Variants in ARHGAP45 observed in about 807,000 individuals in gnomAD.
ARHGAP45 encodes the protein rho GTPase-activating protein 45.
In ARHGAP45, 56 loss-of-function variants were observed where a neutral mutation model predicts 116.1. The ratio of observed to expected loss-of-function variants is 0.48; its 90% CI spans 0.39 to 0.60. The LOEUF is 0.60. ARHGAP45 is among the 20% of genes least tolerant of loss of function. The probability of loss-of-function intolerance (pLI) is 0.00; values close to 1 mark genes in which losing one functional copy is unlikely to be tolerated. For synonymous variants in ARHGAP45, 866 were observed against 701.7 expected (o/e 1.23, Z -3.70); for missense variants, 1,622 against 1,601.0 (o/e 1.01, Z -0.22).
rs758030000 is a variant in ARHGAP45 at position 1,074,325 on chromosome 19, C to A, written c.929-18C>A. On this transcript the variant is annotated intron_variant, in intron 7 of 22. Transcript: ENST00000313093. The stretch of plus-strand genomic sequence containing the variant: ...GAAGGCCTTGTCCCAGCACCTCACA[C>A]CCCTCTCCGGCCCGCAGAGATGGAG... 1.4e-5 allele frequency: 22 copies of A among 1,611,498 alleles called. No individual in the cohort carries two copies. Among genetic ancestry groups the A allele is most frequent in the Admixed American group, 3.3e-5 (2 of 59,716 alleles).
intron 11 of ARHGAP45, among the ~76,000 whole-genome samples, chr19:1,079,440 G>A (rs1330652510): frequency 6.8e-6 from 1 of 147,750 alleles, no homozygotes; most frequent in Non-Finnish European, 1.5e-5. Flanking sequence ...GTAGGTGGAG[G>A]TTGCAGTGAG....
At chr19:1,083,111 C>A in intron 20 of ARHGAP45, 32 bp from the exon 21 acceptor site, 1 of 1,580,774 alleles carries the variant, frequency 6.3e-7, no homozygotes, top group South Asian at 1.1e-5. Flanking sequence ...TCCCGGGAGC[C>A]GCTCAGCACC....
Position 1,069,392 on chromosome 19 carries a change from G to A in ARHGAP45, c.421+648G>A, listed in dbSNP as rs1047346678. ...CCTGTTTGTCCCTGGCAGCCCAGGC[G>A]GGCACCTCATGTGCTGCCTTCAGCC... On this transcript the variant is annotated intron_variant, in intron 2 of 22. Coordinates refer to ENST00000313093, the MANE Select transcript of ARHGAP45 (RefSeq NM_012292.5). The surrounding 1 kb of genome is among the most constrained non-coding windows in gnomAD (Gnocchi z 4.1). Among the ~76,000 whole-genome samples the A allele has an allele frequency of 6.6e-6, 1 of 152,212 alleles. No individual in the cohort carries two copies. Among genetic ancestry groups the A allele is most frequent in the Non-Finnish European group, 1.5e-5 (1 of 68,040 alleles).
Position 1,081,922 on chromosome 19 carries a change from C to G in ARHGAP45, c.2478C>G (p.Pro826=), listed in dbSNP as rs781357340. ...TGGTCGAGCTGTCGCAGGCCTCGCC[C>G]CACGACATCAGCAACGTCCTCAAGC... ...KELVELSQAS[P]HDISNVLKLY... The change falls in exon 19 of 23, where the codon CCC becomes CCG. Residue 826 remains proline (P), a synonymous_variant. Transcript: ENST00000313093. 2 of 1,612,798 alleles carry G rather than the reference C, an allele frequency of 1.2e-6. No individual in the cohort carries two copies. Among genetic ancestry groups the G allele is most frequent in the Non-Finnish European group, 1.7e-6 (2 of 1,179,852 alleles).
rs1279683633 is a variant in ARHGAP45 at position 1,086,202 on chromosome 19, T to C, written c.*196T>C. ...GCACGAGGGCCTTGCGGCACAGGACTGTGCCCTGTGCTGTCCCCTGCACCC... is the reference window on the plus strand; with the variant it reads ...GCACGAGGGCCTTGCGGCACAGGACCGTGCCCTGTGCTGTCCCCTGCACCC... On this transcript the variant is annotated 3_prime_UTR_variant, in exon 23 of 23. Coordinates refer to ENST00000313093, the MANE Select transcript of ARHGAP45 (RefSeq NM_012292.5). The C allele has an allele frequency of 5.1e-6, 3 of 592,750 alleles. No homozygotes were observed. Among genetic ancestry groups the C allele is most frequent in the South Asian group, 2.0e-5 (1 of 50,140 alleles). The allele number at this position is 592,750 out of a possible 1,614,324, so 36.7% of individuals were successfully genotyped here.
Position 1,082,776 on chromosome 19 carries a change from T to C in ARHGAP45, c.2518-64T>C, listed in dbSNP as rs1021555119. 1.7e-4 allele frequency: 226 copies of C among 1,349,964 alleles called. 2 individuals are homozygous for C. The highest frequency in any genetic ancestry group is 1.5e-3 in the Admixed American group (51 of 33,558). 83.6% of individuals were successfully genotyped at this position (1,349,964 alleles called of 1,614,324 possible). ...GGGGGTGGGGCTGAGGCTGGGGGCGTGGCAGGCACACGTGGGGGCTGGGCC... is the reference window on the plus strand; with the variant it reads ...GGGGGTGGGGCTGAGGCTGGGGGCGCGGCAGGCACACGTGGGGGCTGGGCC... On this transcript the variant is annotated intron_variant, in intron 19 of 22. Transcript: ENST00000313093.
rs776623895 is a variant in ARHGAP45, at chr19:1,081,757, C to G, written c.2379+19C>G. The G allele has an allele frequency of 1.3e-6, 2 of 1,553,612 alleles. No individual in the cohort carries two copies. The highest frequency in any genetic ancestry group is 2.7e-5 in the African/African-American group (2 of 73,702). On this transcript the variant is annotated intron_variant, in intron 18 of 22. Coordinates refer to ENST00000313093, the MANE Select transcript of ARHGAP45 (RefSeq NM_012292.5). The stretch of plus-strand genomic sequence containing the variant: ...CACCAAGGTGAGGCGGGGGAGGAAG[C>G]GGCTCACAGCGAGGAGGCGGGAGTG...
At chr19:1,074,986 G>A in intron 10 of ARHGAP45, 107 bp downstream of exon 10, 1 of 915,120 alleles carries the variant, frequency 1.1e-6, no homozygotes, top group Non-Finnish European at 1.4e-6. Context: ...CTCCGCACAC[G>A]CCCCGGCCTC....
rs867809035 is a variant in ARHGAP45 at position 1,074,006 on chromosome 19, G to A, written c.782G>A (p.Cys261Tyr). 10 of 1,596,434 alleles carry A rather than the reference G, an allele frequency of 6.3e-6. No homozygotes were observed. In the South Asian group the frequency reaches 9.0e-5, roughly 14 times the overall value. Residue 261 changes from cysteine to tyrosine, a missense_variant, in exon 6 of 23, where the codon TGT becomes TAT. Cys to Tyr is a radical substitution (Grantham distance 194). Around this residue, in one of 3 missense-constraint regions of ARHGAP45, gnomAD observed 1,334 missense variants for 1,263.8 expected, o/e 1.06. Transcript: ENST00000313093. ...SEGTPPSLED[C>Y]DAGCLPAEEV... Reference sequence around the variant, plus strand: ...GGCACGCCTCCCAGCCTGGAAGACTGTGACGCCGGTAAGCCCCCACCCAGC... The same window carrying A: ...GGCACGCCTCCCAGCCTGGAAGACTATGACGCCGGTAAGCCCCCACCCAGC...
At position 1,071,312 on chromosome 19, in the gene ARHGAP45, C is replaced by T; in HGVS notation, c.422-1837C>T. 6.9e-7 allele frequency: 1 copy of T among 1,457,092 alleles called. No individual in the cohort carries two copies. Among genetic ancestry groups the T allele is most frequent in the South Asian group, 1.3e-5 (1 of 76,358 alleles). 90.3% of individuals were successfully genotyped at this position (1,457,092 alleles called of 1,614,324 possible). ...CCATGTGTATCTGCGGGACGGCGCA[C>T]CCGGTGCTGGACGAGGGCCCCGTGC... On this transcript the variant is annotated intron_variant, in intron 2 of 22. Transcript: ENST00000313093. The surrounding 1 kb of genome is among the most constrained non-coding windows in gnomAD (Gnocchi z 4.6).
chr19:1,076,915 G>C (rs1396985424), intron 10 of ARHGAP45: 2 of 528,628 alleles, frequency 3.8e-6, no homozygotes. Context: ...TTTTTGTAGA[G>C]ATGGGGTCTC....
At chr19:1,084,527 C>CA (rs1445551598) in intron 22 of ARHGAP45, among the ~76,000 whole-genome samples, 181 bp downstream of exon 22, 2 of 152,218 alleles carry the variant, frequency 1.3e-5, no homozygotes, top group African/African-American at 2.4e-5. Flanking sequence ...TAACCGGCTG[C>CA]AAAAACAGGC....
intron 22 of ARHGAP45, among the ~76,000 whole-genome samples, chr19:1,084,823 C>T (rs773323986): frequency 3.3e-5 from 5 of 152,126 alleles, no homozygotes; most frequent in South Asian, 2.1e-4. Context: ...CGGTGGCTCA[C>T]GCCTGTAATC....
chr19:1,083,439 C>G, intron 21 of ARHGAP45, 86 bp downstream of exon 21: 1 of 1,196,776 alleles, frequency 8.4e-7, no homozygotes, highest in Non-Finnish European at 1.2e-6. Flanking sequence ...TCGGATGAAG[C>G]CCAAGGAACC....
Position 1,071,377 on chromosome 19 carries a change from G to C in ARHGAP45, c.422-1772G>C. On this transcript the variant is annotated intron_variant, in intron 2 of 22. Transcript: ENST00000313093. The surrounding 1 kb of genome is among the most constrained non-coding windows in gnomAD (Gnocchi z 4.6). ...CCCCGAGGTGAGGGGACAGGTGCCGGGCGCTGGGTCCCGCCGCGTCCGGGA... is the reference window on the plus strand; with the variant it reads ...CCCCGAGGTGAGGGGACAGGTGCCGCGCGCTGGGTCCCGCCGCGTCCGGGA... 1 of 1,276,720 alleles carries C rather than the reference G, an allele frequency of 7.8e-7. No individual in the cohort carries two copies. The highest frequency in any genetic ancestry group is 9.9e-7 in the Non-Finnish European group (1 of 1,010,352). 79.1% of individuals were successfully genotyped at this position (1,276,720 alleles called of 1,614,324 possible).
Position 1,082,931 on chromosome 19 carries a change from C to T in ARHGAP45, c.2609C>T (p.Ala870Val), listed in dbSNP as rs992195848. Residue 870 changes from alanine (A) to valine (V), a missense_variant, in exon 20 of 23, where the codon GCG (alanine) becomes GTG (valine). This residue lies in a region of ARHGAP45 where 1,334 missense variants were observed against 1,263.8 expected (regional missense o/e 1.06). Coordinates refer to ENST00000313093, the MANE Select transcript of ARHGAP45 (RefSeq NM_012292.5). ...AAGGCAGAGGCCGAGGCCAAGGCGGCGTCCCGGGGCCGGCAGGACGGCTCG... is the reference window on the plus strand; with the variant it reads ...AAGGCAGAGGCCGAGGCCAAGGCGGTGTCCCGGGGCCGGCAGGACGGCTCG... ...SLKAEAEAKA[A>V]SRGRQDGSES... 1.9e-6 allele frequency: 3 copies of T among 1,587,166 alleles called. No homozygotes were observed. The highest frequency in any genetic ancestry group is 1.7e-6 in the Non-Finnish European group (2 of 1,169,362).
rs368068534 is a variant in ARHGAP45 at position 1,083,131 on chromosome 19, C to T, written c.2745-12C>T. On this transcript the variant is annotated splice_polypyrimidine_tract_variant and intron_variant, in intron 20 of 22. Transcript: ENST00000313093. ...GGAGCCGCTCAGCACCTGGCCCCTG[C>T]CCACCCCGCAGGATCGTGGAGGTGG... is the stretch of plus-strand genomic sequence containing the variant. 1.1e-5 allele frequency: 17 copies of T among 1,599,164 alleles called. No homozygotes were observed. The Admixed American group carries it at 1.7e-4, about 16-fold the overall frequency.
At chr19:1,083,866 G>T (rs2043519597) in intron 21 of ARHGAP45, among the ~76,000 whole-genome samples, 2 of 152,138 alleles carry the variant, frequency 1.3e-5, no homozygotes, top group African/African-American at 2.4e-5. Flanking sequence ...TCAGTCTCCC[G>T]CGTAGCTGGG....
At chr19:1,085,222 A>T (rs2043571185) in intron 22 of ARHGAP45, among the ~76,000 whole-genome samples, 2 of 152,206 alleles carry the variant, frequency 1.3e-5, no homozygotes. Flanking sequence ...GGTGGCAGGC[A>T]AAGGGAGAGC....
Sources: allele counts gnomAD v4.1 joint callset (sites outside exome capture counted in the v4.1 genomes callset), GRCh38; gene constraint gnomAD v4.1.1; regional missense constraint gnomAD v4.1.1; non-coding constraint Gnocchi (gnomAD v3.1); transcripts MANE v1.5; gene names NCBI Gene and HGNC (gene_info 2026-07-23, HGNC 2026-07-21).